FHIT: variants seen among roughly 807,000 people sequenced by gnomAD.
The protein encoded by FHIT is bis(5'-adenosyl)-triphosphatase.
FHIT carries 19 observed loss-of-function variants against 17.9 expected under a neutral mutation model. The ratio of observed to expected loss-of-function variants is 1.06; its 90% CI spans 0.74 to 1.56. The LOEUF (loss-of-function observed/expected upper bound fraction) is 1.56, where lower values mean the gene tolerates loss of function less well. Ranked by LOEUF, FHIT falls within the 40% of genes most tolerant of loss-of-function variation. The probability of loss-of-function intolerance (pLI) is 0.00; values close to 1 mark genes in which losing one functional copy is unlikely to be tolerated. For synonymous variants in FHIT, 81 were observed against 69.7 expected (o/e 1.16, Z -0.81); for missense variants, 248 against 189.2 (o/e 1.31, Z -1.82).
chr3:60,210,501 G>A (rs1320872351), intron 5 of FHIT, among the ~76,000 whole-genome samples: 1 of 147,188 alleles, frequency 6.8e-6, no homozygotes, highest in African/African-American at 2.5e-5. Context: ...ACATTGGTAA[G>A]CTTCACTAGA....
intron 5 of FHIT, among the ~76,000 whole-genome samples, chr3:60,348,184 C>T (rs1408756532): frequency 2.0e-5 from 3 of 151,778 alleles, no homozygotes; most frequent in Non-Finnish European, 4.4e-5. Flanking sequence ...TAAGAATTGA[C>T]AAATGTTTGT....
chr3:60,623,292 G>T (rs2039186220), intron 4 of FHIT, among the ~76,000 whole-genome samples: 1 of 152,260 alleles, frequency 6.6e-6, no homozygotes. Context: ...GCTCAAGAAA[G>T]AACTGTGCTA....
At chr3:60,841,284 T>A (rs1342581559) in intron 3 of FHIT, among the ~76,000 whole-genome samples, 1 of 152,226 alleles carries the variant, frequency 6.6e-6, no homozygotes, top group Non-Finnish European at 1.5e-5. Flanking sequence ...GCATGCACTG[T>A]GTGTTAACAT....
intron 3 of FHIT, among the ~76,000 whole-genome samples, chr3:60,848,360 A>G (rs1553747245): frequency 1.3e-5 from 2 of 152,160 alleles, no homozygotes; most frequent in Non-Finnish European, 2.9e-5. Flanking sequence ...TGCAATTTTA[A>G]CTAAAAGGAG....
rs574229676 is a variant in FHIT, at chr3:59,860,682, T to C, written c.348+61664A>G. ...TGTGTATCAGTATGTTTGTGTTTAT[T>C]ATGAAAAGTGAGATAAAACATCTAC... On this transcript the variant is annotated intron_variant, in intron 8 of 9. Transcript: ENST00000492590. Among the ~76,000 whole-genome samples, 559 of 152,252 alleles carry C rather than the reference T, an allele frequency of 3.7e-3. 4 individuals carry two copies. Among genetic ancestry groups the C allele is most frequent in the African/African-American group, 0.013 (534 of 41,556 alleles).
intron 4 of FHIT, among the ~76,000 whole-genome samples, chr3:60,544,884 A>G (rs2036310987): frequency 6.6e-6 from 1 of 152,190 alleles, no homozygotes; most frequent in African/African-American, 2.4e-5. Context: ...AGCATGAGCC[A>G]CTGTGCTCAG....
intron 5 of FHIT, among the ~76,000 whole-genome samples, chr3:60,408,965 G>C (rs1282869670): frequency 6.6e-6 from 1 of 152,096 alleles, no homozygotes; most frequent in Non-Finnish European, 1.5e-5. Context: ...GTAGCACAGA[G>C]TTTAGGGACT....
intron 5 of FHIT, among the ~76,000 whole-genome samples, chr3:60,187,579 C>T (rs1311069811): frequency 6.6e-6 from 1 of 152,156 alleles, no homozygotes; most frequent in Non-Finnish European, 1.5e-5. Flanking sequence ...AAATGGCATT[C>T]TGCTGAATCA....
At chr3:60,877,781 T>C (rs1041021488) in intron 3 of FHIT, among the ~76,000 whole-genome samples, 1 of 152,072 alleles carries the variant, frequency 6.6e-6, no homozygotes, top group Non-Finnish European at 1.5e-5. Context: ...TTCCTGAAGC[T>C]GGACTAGCCC....
chr3:61,110,973 C>G (rs1439560879), intron 2 of FHIT, among the ~76,000 whole-genome samples: 2 of 152,198 alleles, frequency 1.3e-5, no homozygotes, highest in East Asian at 1.9e-4. Flanking sequence ...ATTTTTCAGT[C>G]TGAAACTCTC....
intron 3 of FHIT, among the ~76,000 whole-genome samples, chr3:60,860,157 A>G (rs564566754): frequency 1.3e-5 from 1 of 79,628 alleles, no homozygotes; most frequent in African/African-American, 6.2e-5. Flanking sequence ...GGTATATATG[A>G]TATACATCAT....
rs189687785 is a variant in FHIT, at chr3:60,170,728, T to C, written c.104-156576A>G. Among the ~76,000 whole-genome samples the C allele has an allele frequency of 2.8e-3, 433 of 152,316 alleles. 2 individuals carry two copies. Among genetic ancestry groups the C allele is most frequent in the African/African-American group, 9.8e-3 (409 of 41,574 alleles). On this transcript the variant is annotated intron_variant, in intron 5 of 9. Transcript: ENST00000492590. ...TCAAACACTGGGGAAAAAAATAACA[T>C]TCTCCCATATCTATCTGACCCCAGA...
chr3:60,425,936 C>T (rs2611414), intron 5 of FHIT, among the ~76,000 whole-genome samples: 143,850 of 152,150 alleles, frequency 0.95, 68,310 homozygotes, highest in Non-Finnish European at 0.99. Context: ...CTGAGCAGCT[C>T]ACCACCTGGC....
intron 5 of FHIT, among the ~76,000 whole-genome samples, chr3:60,094,211 T>G (rs1230477869): frequency 6.6e-6 from 1 of 152,212 alleles, no homozygotes; most frequent in Non-Finnish European, 1.5e-5. Context: ...TTTTTTATAT[T>G]TGACAAATGA....
At chr3:60,754,641 A>AG (rs1275403049) in intron 4 of FHIT, among the ~76,000 whole-genome samples, 7 of 152,166 alleles carry the variant, frequency 4.6e-5, no homozygotes, top group African/African-American at 1.4e-4. Context: ...CAAAAAAAAA[A>AG]AAGTACTGGC....
chr3:60,479,863 C>T (rs1458143796), intron 5 of FHIT, among the ~76,000 whole-genome samples: 1 of 152,160 alleles, frequency 6.6e-6, no homozygotes, highest in Non-Finnish European at 1.5e-5. Context: ...CCCATGACCC[C>T]TGTCTGTTGA....
At chr3:61,180,252 TG>T (rs1217971959) in intron 2 of FHIT, among the ~76,000 whole-genome samples, 3 of 152,204 alleles carry the variant, frequency 2.0e-5, no homozygotes, top group Non-Finnish European at 4.4e-5. Context: ...AAATGTTTGC[TG>T]GGATGTAAGC....
chr3:60,022,319 C>T (rs1291103757), intron 5 of FHIT, among the ~76,000 whole-genome samples: 1 of 152,216 alleles, frequency 6.6e-6, no homozygotes, highest in Non-Finnish European at 1.5e-5. Flanking sequence ...GTCATTAGTG[C>T]TGTTTGCCAA....
At chr3:59,840,407 A>AG (rs1349725948) in intron 8 of FHIT, among the ~76,000 whole-genome samples, 2 of 151,204 alleles carry the variant, frequency 1.3e-5, no homozygotes, top group Non-Finnish European at 3.0e-5. Flanking sequence ...AAAAAAAAAA[A>AG]AAGAAAGAAA....
Sources: allele counts gnomAD v4.1 joint callset (sites outside exome capture counted in the v4.1 genomes callset), GRCh38; gene constraint gnomAD v4.1.1; transcripts MANE v1.5; gene names NCBI Gene and HGNC (gene_info 2026-07-23, HGNC 2026-07-21).